SNTB2: variants seen among roughly 807,000 people sequenced by gnomAD.
The protein encoded by SNTB2 is beta-2-syntrophin.
Under a neutral mutation model 46.2 loss-of-function variants are expected in SNTB2, and 34 were observed. The observed-to-expected ratio is 0.74, with a 90% CI of 0.56 to 0.98. The LOEUF (loss-of-function observed/expected upper bound fraction) is 0.98. SNTB2 is among the 50% of genes least tolerant of loss of function. The pLI, the probability that SNTB2 is intolerant of heterozygous loss-of-function variation, is 0.00. For synonymous variants in SNTB2, 290 were observed against 312.6 expected (o/e 0.93, Z 0.76); for missense variants, 603 against 731.4 (o/e 0.82, Z 2.02).
chr16:69,239,051 C>G (rs1964585013), intron 1 of SNTB2, among the ~76,000 whole-genome samples: 1 of 152,146 alleles, frequency 6.6e-6, no homozygotes, highest in Non-Finnish European at 1.5e-5. Flanking sequence ...GCTCCAGTTA[C>G]TCTGGGTCTC....
chr16:69,294,843 C>A (rs1216006968), intron 5 of SNTB2, among the ~76,000 whole-genome samples: 3 of 150,374 alleles, frequency 2.0e-5, no homozygotes, highest in African/African-American at 7.3e-5. Context: ...CGCTCTGTCA[C>A]TCGGGCTGGA....
At chr16:69,229,148 A>G (rs1964483514) in intron 1 of SNTB2, among the ~76,000 whole-genome samples, 1 of 152,130 alleles carries the variant, frequency 6.6e-6, no homozygotes, top group Non-Finnish European at 1.5e-5. Flanking sequence ...TACTTTTCTA[A>G]TAATTTTTTT....
chr16:69,251,192 A>C (rs1441704978), intron 2 of SNTB2, among the ~76,000 whole-genome samples: 2 of 150,840 alleles, frequency 1.3e-5, no homozygotes, highest in East Asian at 4.1e-4. Context: ...TTTAGCCGGG[A>C]TGGTCTCGAT....
intron 1 of SNTB2, among the ~76,000 whole-genome samples, chr16:69,231,665 T>G (rs895585878): frequency 6.6e-6 from 1 of 151,852 alleles, no homozygotes; most frequent in Admixed American, 6.6e-5. Flanking sequence ...CAAAGAAAAA[T>G]ATGTAATTTG....
chr16:69,298,993 A>C (rs1445710553), intron 5 of SNTB2, among the ~76,000 whole-genome samples: 1 of 152,110 alleles, frequency 6.6e-6, no homozygotes, highest in Non-Finnish European at 1.5e-5. Context: ...GAGAGCAGGG[A>C]CTGTGCCTCT....
intron 4 of SNTB2, among the ~76,000 whole-genome samples, chr16:69,278,982 A>C (rs1965010476): frequency 6.6e-6 from 1 of 151,922 alleles, no homozygotes; most frequent in South Asian, 2.1e-4. Context: ...ATACTAAAAA[A>C]ACTCATAACA....
intron 2 of SNTB2, among the ~76,000 whole-genome samples, chr16:69,255,830 C>A (rs1204885088): frequency 6.8e-6 from 1 of 147,070 alleles, no homozygotes; most frequent in Non-Finnish European, 1.5e-5. Flanking sequence ...TGAGCTGAGA[C>A]CGCGCCATTG....
At chr16:69,219,173 G>C (rs1305632138) in intron 1 of SNTB2, among the ~76,000 whole-genome samples, 3 of 152,130 alleles carry the variant, frequency 2.0e-5, no homozygotes, top group African/African-American at 7.2e-5. Flanking sequence ...TAAGACATCA[G>C]GTCTGGTTCA....
At chr16:69,288,661 T>C (rs1965129784) in intron 5 of SNTB2, among the ~76,000 whole-genome samples, 3 of 152,200 alleles carry the variant, frequency 2.0e-5, no homozygotes, top group Admixed American at 2.0e-4. Context: ...ATAGAACTAC[T>C]GTATGATCTA....
intron 5 of SNTB2, among the ~76,000 whole-genome samples, chr16:69,286,723 A>C (rs1965106720): frequency 6.6e-6 from 1 of 151,906 alleles, no homozygotes; most frequent in Admixed American, 6.6e-5. Flanking sequence ...GAAAAAAAAA[A>C]AAAAAGCCAG....
rs561609967 is a variant in SNTB2 at position 69,198,241 on chromosome 16, TG to T, written c.580+10498del. Among the ~76,000 whole-genome samples, 55 of 152,074 alleles carry T rather than the reference TG, an allele frequency of 3.6e-4. 2 individuals carry two copies. In the South Asian group the frequency reaches 0.01, roughly 28 times the overall value. The stretch of plus-strand genomic sequence containing the variant: ...CTCCTGCCTCAGCCTCCTGAGTAGC[TG>T]GGACTACAGTCCTACACCACCACGC... On this transcript the variant is annotated intron_variant, in intron 1 of 6. Transcript: ENST00000336278.
At chr16:69,299,229 G>A (rs1373062294) in intron 5 of SNTB2, among the ~76,000 whole-genome samples, 1 of 150,296 alleles carries the variant, frequency 6.7e-6, no homozygotes, top group Non-Finnish European at 1.5e-5. Context: ...TGCAACGTCC[G>A]CCTCCCGGGT....
Position 69,279,515 on chromosome 16 carries a change from CTTTTTT to C in SNTB2, c.1149-4510_1149-4505del, listed in dbSNP as rs57637291. Among the ~76,000 whole-genome samples the C allele has an allele frequency of 8.4e-5, 6 of 71,734 alleles. No individual in the cohort carries two copies. In the South Asian group the frequency reaches 1.4e-3, roughly 16 times the overall value. The allele number at this position is 71,734 out of a possible 152,430, so 47.1% of individuals were successfully genotyped here. On this transcript the variant is annotated intron_variant, in intron 4 of 6. Coordinates refer to ENST00000336278, the MANE Select transcript of SNTB2 (RefSeq NM_006750.4). ...TATACCAAGAAGTGGGTCCTTTGCC[CTTTTTT>C]TTTTTTTTTTTTTTTTTTTTTTGAG...
rs570064975 is a variant in SNTB2 at position 69,245,662 on chromosome 16, C to A, written c.641C>A (p.Pro214Gln). 1 of 1,614,028 alleles carries A rather than the reference C, an allele frequency of 6.2e-7. No homozygotes were observed. Among genetic ancestry groups the A allele is most frequent in the African/African-American group, 1.3e-5 (1 of 74,984 alleles). ...AAGCCATCATTAGTATCAGATCTGC[C>A]GTGGGAAGGTGCAGCCCCCCAGTCA... The part of the protein sequence containing the change: ...IKKPSLVSDL[P>Q]WEGAAPQSPS... The change falls in exon 2 of 7, where the codon CCG (proline) becomes CAG (glutamine). Residue 214 changes from proline to glutamine, a missense_variant. By Grantham distance (76) the Pro-to-Gln change is moderately conservative. Around this residue, in one of 2 missense-constraint regions of SNTB2, gnomAD observed 537 missense variants for 692.4 expected, o/e 0.78. Transcript: ENST00000336278.
chr16:69,286,509 C>T (rs1443931705), intron 5 of SNTB2, among the ~76,000 whole-genome samples: 1 of 151,894 alleles, frequency 6.6e-6, no homozygotes, highest in Non-Finnish European at 1.5e-5. Context: ...AGTGGTGAAA[C>T]CTCATCTCTA....
chr16:69,215,374 CA>C (rs1289387699), intron 1 of SNTB2, among the ~76,000 whole-genome samples: 1 of 152,064 alleles, frequency 6.6e-6, no homozygotes, highest in African/African-American at 2.4e-5. Flanking sequence ...GCCTAAGTGA[CA>C]AAGATTGTCT....
At chr16:69,253,939 G>T (rs1297470084) in intron 2 of SNTB2, among the ~76,000 whole-genome samples, 1 of 152,136 alleles carries the variant, frequency 6.6e-6, no homozygotes, top group Non-Finnish European at 1.5e-5. Context: ...TGTGCCTCGA[G>T]AAGGATGAAC....
chr16:69,192,290 A>G (rs1964062981), intron 1 of SNTB2, among the ~76,000 whole-genome samples: 1 of 152,220 alleles, frequency 6.6e-6, no homozygotes, highest in Non-Finnish European at 1.5e-5. Context: ...GATGCTTGTC[A>G]GGGGACATAG....
chr16:69,226,227 A>G (rs539447605), intron 1 of SNTB2, among the ~76,000 whole-genome samples: 21 of 152,138 alleles, frequency 1.4e-4, no homozygotes, highest in African/African-American at 5.1e-4. Flanking sequence ...ACCCGCCATC[A>G]TGACCAGCTA....
Sources: allele counts gnomAD v4.1 joint callset (sites outside exome capture counted in the v4.1 genomes callset), GRCh38; gene constraint gnomAD v4.1.1; regional missense constraint gnomAD v4.1.1; transcripts MANE v1.5; gene names NCBI Gene and HGNC (gene_info 2026-07-23, HGNC 2026-07-21).